PDE6B: variants seen among roughly 807,000 people sequenced by gnomAD.
The protein encoded by PDE6B is rod cGMP-specific 3',5'-cyclic phosphodiesterase subunit beta.
Under a neutral mutation model 109.0 loss-of-function variants are expected in PDE6B, and 106 were observed. That is an observed-to-expected ratio of 0.97 (90% CI 0.83 to 1.14). The LOEUF is 1.14. Ranked by LOEUF, PDE6B falls within the 50% of genes most tolerant of loss-of-function variation. The pLI is 0.00. For synonymous variants in PDE6B, 490 were observed against 471.3 expected, an observed-to-expected ratio of 1.04 and a Z score of -0.51; for missense variants, 1,193 against 1,155.6, an observed-to-expected ratio of 1.03 and a Z score of -0.47.
intron 5 of PDE6B, chr4:654,596 G>C: frequency 1.6e-6 from 1 of 635,310 alleles, no homozygotes; most frequent in Non-Finnish European, 2.9e-6. Flanking sequence ...CTGCATGTGT[G>C]TGCACCCTGA....
At chr4:652,953 A>G (rs544323581) in intron 3 of PDE6B, 1 of 154,556 alleles carries the variant, frequency 6.5e-6, no homozygotes, top group East Asian at 1.9e-4. Context: ...AAATACTTAC[A>G]TCAGAACATC....
Position 662,045 on chromosome 4 carries a change from G to A in PDE6B, c.1615-89G>A. On this transcript the variant is annotated intron_variant, in intron 12 of 21. Transcript: ENST00000496514. This position sits in a 1 kb window ranked among gnomAD's most constrained non-coding sequence, Gnocchi z 4.3. ...GTGTGGGGATGATGGCACGGAGCAG[G>A]GCTTCCACTGTGAAGTCAGCCACAG... 2.8e-6 allele frequency: 2 copies of A among 721,166 alleles called. No individual in the cohort carries two copies. The highest frequency in any genetic ancestry group is 3.0e-5 in the South Asian group (2 of 67,548). 44.7% of individuals were successfully genotyped at this position (721,166 alleles called of 1,614,324 possible).
intron 2 of PDE6B, 40 bp downstream of exon 2, chr4:634,869 C>CCCTG (rs1560104291): frequency 1.3e-6 from 2 of 1,579,386 alleles, no homozygotes; most frequent in Non-Finnish European, 1.7e-6. Flanking sequence ...GCGTCTGCCT[C>CCCTG]CCTGCCTGCC....
At chr4:649,936 C>T (rs187878277) in intron 3 of PDE6B, among the ~76,000 whole-genome samples, 1 of 152,340 alleles carries the variant, frequency 6.6e-6, no homozygotes, top group Non-Finnish European at 1.5e-5. Flanking sequence ...GTGGATCCCT[C>T]ATTTCTGAGT....
At chr4:655,074 C>A (rs377381703) in intron 6 of PDE6B, 186 bp downstream of exon 6, 5 of 625,368 alleles carry the variant, frequency 8.0e-6, no homozygotes, top group Admixed American at 7.3e-5. Flanking sequence ...AGACAGAAGC[C>A]GACTCACTGT....
rs750939302 is a variant in PDE6B, at chr4:666,553, C to A, written c.2291C>A (p.Ala764Glu). The change falls in exon 20 of 22, where the codon GCG (alanine) becomes GAG (glutamate). Residue 764 changes from alanine to glutamate, a missense_variant. Physicochemically the swap from Ala to Glu is moderately radical, Grantham distance 107. Transcript: ENST00000496514. This position sits in a 1 kb window ranked among gnomAD's most constrained non-coding sequence, Gnocchi z 5.6. ...CAGCCTATGATGGACCGGAACAAGGCGGCCGAGCTCCCCAAGCTGCAAGTG... is the reference window on the plus strand; with the variant it reads ...CAGCCTATGATGGACCGGAACAAGGAGGCCGAGCTCCCCAAGCTGCAAGTG... The part of the protein sequence containing the change: ...QPIPMMDRNK[A>E]AELPKLQVGF... The A allele has an allele frequency of 6.2e-7, 1 of 1,612,504 alleles. No homozygotes were observed. The highest frequency in any genetic ancestry group is 8.5e-7 in the Non-Finnish European group (1 of 1,178,774).
intron 3 of PDE6B, among the ~76,000 whole-genome samples, chr4:650,888 T>C (rs188850637): frequency 8.7e-4 from 133 of 152,324 alleles, no homozygotes; most frequent in Non-Finnish European, 1.6e-3. Flanking sequence ...TTCAGTCAGT[T>C]GCTGTGTGCA....
At chr4:641,729 C>T (rs1472835493) in intron 3 of PDE6B, among the ~76,000 whole-genome samples, 1 of 152,206 alleles carries the variant, frequency 6.6e-6, no homozygotes, top group Non-Finnish European at 1.5e-5. Context: ...TCACTGCAAC[C>T]TCCACCTCCC....
In PDE6B at chr4:636,124, C is replaced by T. The variant is rs1009533595; in HGVS notation, c.711+155C>T. Among the ~76,000 whole-genome samples the T allele has an allele frequency of 1.3e-5, 2 of 152,082 alleles. No homozygotes were observed. Among genetic ancestry groups the T allele is most frequent in the African/African-American group, 4.8e-5 (2 of 41,402 alleles). On this transcript the variant is annotated intron_variant, in intron 3 of 21. Transcript: ENST00000496514. This position sits in a 1 kb window ranked among gnomAD's most constrained non-coding sequence, Gnocchi z 4.5. ...CTCAGGGGAGAGGAGGGCTCCATGG[C>T]TTCTGTGGCTGTGCTGAGCTGCAAT...
chr4:659,624 G>A (rs28488910), intron 11 of PDE6B, among the ~76,000 whole-genome samples: 24,416 of 149,168 alleles, frequency 0.16, 2,377 homozygotes, highest in African/African-American at 0.28. Context: ...TTGTATGAAT[G>A]TGCACATGTG....
At position 657,311 on chromosome 4, in the gene PDE6B, C is replaced by T. The variant is rs367964794; in HGVS notation, c.1258-40C>T. On this transcript the variant is annotated intron_variant, in intron 9 of 21. Coordinates refer to ENST00000496514, the MANE Select transcript of PDE6B (RefSeq NM_000283.4). ...CACAGGCACATGGGAGGGGGCGCGCCGGGAGCGCTGAGCGCCAGTGACACT... is the reference window on the plus strand; with the variant it reads ...CACAGGCACATGGGAGGGGGCGCGCTGGGAGCGCTGAGCGCCAGTGACACT... The T allele has an allele frequency of 2.1e-4, 344 of 1,610,982 alleles. 5 individuals are homozygous for T. In the South Asian group the frequency reaches 3.3e-3, roughly 15 times the overall value.
chr4:658,530 G>T (rs969936254), intron 10 of PDE6B, among the ~76,000 whole-genome samples: 3 of 152,034 alleles, frequency 2.0e-5, no homozygotes, highest in Non-Finnish European at 4.4e-5. Context: ...GGGCGGCCAG[G>T]TTACCCAGGG....
intron 12 of PDE6B, among the ~76,000 whole-genome samples, 178 bp downstream of exon 12, chr4:660,791 C>A (rs1046737894): frequency 6.6e-6 from 1 of 151,870 alleles, no homozygotes; most frequent in Non-Finnish European, 1.5e-5. Context: ...AAAATGCACA[C>A]GGGAAGTAAG....
chr4:635,404 T>C (rs370315162), intron 2 of PDE6B, among the ~76,000 whole-genome samples: 602 of 73,556 alleles, frequency 8.2e-3, no homozygotes, highest in Middle Eastern at 0.019. Flanking sequence ...TGCCTGCCCG[T>C]GTGTTCTGTG....
chr4:663,711 C>T lies in PDE6B; in HGVS notation c.1921-59C>T. 1 of 1,302,766 alleles carries T rather than the reference C, an allele frequency of 7.7e-7. No individual in the cohort carries two copies. The highest frequency in any genetic ancestry group is 1.1e-6 in the Non-Finnish European group (1 of 903,900). The allele number at this position is 1,302,766 out of a possible 1,614,324, so 80.7% of individuals were successfully genotyped here. A position where few individuals can be genotyped will look rare whatever the true frequency, so the allele number is the denominator to read the frequency against. On this transcript the variant is annotated intron_variant, in intron 15 of 21. Transcript: ENST00000496514. The surrounding 1 kb of genome is among the most constrained non-coding windows in gnomAD (Gnocchi z 4.0). ...CAGCCGAGGCGGAAGGGGCGGGGTC[C>T]CCGGGCACCCTGAGAGGTGGCCGCA... is the stretch of plus-strand genomic sequence containing the variant.
In PDE6B at chr4:657,032, C is replaced by T; in HGVS notation, c.1257+9C>T. The T allele has an allele frequency of 6.2e-7, 1 of 1,612,740 alleles. No homozygotes were observed. The highest frequency in any genetic ancestry group is 8.5e-7 in the Non-Finnish European group (1 of 1,179,728). ...ACGAGGTTCTCATGGAGGTAAGCAC[C>T]TGGGCAGACGTGGTTCCGCCGGGGA... On this transcript the variant is annotated intron_variant, in intron 9 of 21. Coordinates refer to ENST00000496514, the MANE Select transcript of PDE6B (RefSeq NM_000283.4).
Position 666,837 on chromosome 4 carries a change from C to A in PDE6B, c.2352+223C>A, listed in dbSNP as rs1286588377. On this transcript the variant is annotated intron_variant, in intron 20 of 21. Transcript: ENST00000496514. The surrounding 1 kb of genome is among the most constrained non-coding windows in gnomAD (Gnocchi z 5.6). ...CCCAGCCCATCCTCACCCTGCTGTGCCCCTGGAAGCTCTGAGCCCTTTCCC... is the reference window on the plus strand; with the variant it reads ...CCCAGCCCATCCTCACCCTGCTGTGACCCTGGAAGCTCTGAGCCCTTTCCC... 1.3e-5 allele frequency among the ~76,000 whole-genome samples: 2 copies of A among 152,146 alleles called. No individual in the cohort carries two copies. Among genetic ancestry groups the A allele is most frequent in the Admixed American group, 6.5e-5 (1 of 15,284 alleles).
intron 1 of PDE6B, among the ~76,000 whole-genome samples, chr4:632,065 A>G (rs13127213): frequency 0.034 from 3,988 of 115,718 alleles, 70 homozygotes; most frequent in Middle Eastern, 0.074. Flanking sequence ...GTGTGGATCT[A>G]TGTGACACCA....
At position 657,432 on chromosome 4, in the gene PDE6B, A is replaced by G. The variant is rs778076721; in HGVS notation, c.1339A>G (p.Ile447Val). 6.8e-6 allele frequency: 11 copies of G among 1,613,130 alleles called. No homozygotes were observed. The highest frequency in any genetic ancestry group is 1.3e-5 in the African/African-American group (1 of 74,932). ...KMNKLENRKDIAQDMVLYHVK... is the reference protein window; with the variant it reads ...KMNKLENRKDVAQDMVLYHVK... ...GAACAAGCTGGAGAACCGCAAGGAC[A>G]TCGCACAGGACATGGTCCTTTACCA... The change falls in exon 10 of 22, where the codon ATC (isoleucine) becomes GTC (valine). Residue 447 changes from isoleucine to valine, a missense_variant. Transcript: ENST00000496514.
Sources: gnomAD v4.1 joint callset for allele counts (sites outside exome capture counted in the v4.1 genomes callset) on GRCh38, gnomAD v4.1.1 for gene constraint, Gnocchi (gnomAD v3.1) non-coding constraint, MANE v1.5 for transcripts, NCBI Gene and HGNC (gene_info 2026-07-23, HGNC 2026-07-21) for gene names.